The following CFAP54 variants were observed in gnomAD, a reference collection of about 807,000 sequenced individuals.
The protein encoded by CFAP54 is cilia- and flagella-associated protein 54.
A neutral mutation model predicts 370.4 loss-of-function variants in CFAP54; 290 were observed. The ratio of observed to expected loss-of-function variants is 0.78; its 90% CI spans 0.71 to 0.86. The LOEUF is 0.86. Ranked by LOEUF, CFAP54 falls within the 40% of genes least tolerant of loss-of-function variation. The pLI, the probability that CFAP54 is intolerant of heterozygous loss-of-function variation, is 0.00. For synonymous variants in CFAP54, 1,206 were observed against 1,236.5 expected, an observed-to-expected ratio of 0.98 and a Z score of 0.52; for missense variants, 3,399 against 3,528.7, an observed-to-expected ratio of 0.96 and a Z score of 0.93.
At chr12:96,717,875 TA>T (rs1464258507) in intron 48 of CFAP54, among the ~76,000 whole-genome samples, 1 of 152,184 alleles carries the variant, frequency 6.6e-6, no homozygotes, top group Non-Finnish European at 1.5e-5. Flanking sequence ...ACTAAATACC[TA>T]AAAAATTCTT....
intron 56 of CFAP54, 137 bp from the exon 57 acceptor site, chr12:96,756,321 A>G (rs1044866506): frequency 3.5e-6 from 2 of 576,678 alleles, no homozygotes; most frequent in Non-Finnish European, 6.0e-6. Context: ...TCATTGGCTT[A>G]CCTTCTGGAA....
intron 63 of CFAP54, among the ~76,000 whole-genome samples, chr12:96,810,381 CTCTTA>C (rs1411006908): frequency 6.6e-6 from 1 of 152,032 alleles, no homozygotes; most frequent in African/African-American, 2.4e-5. Context: ...AATACCTTTA[CTCTTA>C]TCTTAGTTTA....
At position 96,740,015 on chromosome 12, in the gene CFAP54, A is replaced by G. The variant is rs1958032415; in HGVS notation, c.7025A>G (p.Lys2342Arg). Reference sequence around the variant, plus strand: ...CAGGATTCAAAACTTTTTGAAAAGAAGGTAGTACAGGATGACACAGAGAAT... The same window carrying G: ...CAGGATTCAAAACTTTTTGAAAAGAGGGTAGTACAGGATGACACAGAGAAT... The part of the protein sequence containing the change: ...LLQDSKLFEK[K>R]VVQDDTENPV... The change falls in exon 51 of 68, where the codon AAG (lysine) becomes AGG (arginine). Residue 2342 changes from lysine (K) to arginine (R), a missense_variant. Physicochemically the swap from Lys to Arg is conservative, Grantham distance 26. Around this residue, in one of 3 missense-constraint regions of CFAP54, gnomAD observed 2,796 missense variants for 2,869.7 expected, o/e 0.97. Transcript: ENST00000524981. 1 of 1,607,800 alleles carries G rather than the reference A, an allele frequency of 6.2e-7. No homozygotes were observed. The highest frequency in any genetic ancestry group is 8.5e-7 in the Non-Finnish European group (1 of 1,175,846).
In CFAP54 at chr12:96,594,183, T is replaced by G. The variant is rs1956152433; in HGVS notation, c.3361-108T>G. ...TTTAGATTTTTTAAAATACAAACACTCATGTTGTTTTTAGCCAGAAGGATC... is the reference window on the plus strand; with the variant it reads ...TTTAGATTTTTTAAAATACAAACACGCATGTTGTTTTTAGCCAGAAGGATC... On this transcript the variant is annotated intron_variant, in intron 24 of 67. Transcript: ENST00000524981. The G allele has an allele frequency of 4.2e-6, 3 of 712,294 alleles. No individual in the cohort carries two copies. The South Asian group carries it at 1.1e-4, about 26-fold the overall frequency. 44.1% of individuals were successfully genotyped at this position (712,294 alleles called of 1,614,324 possible).
intron 44 of CFAP54, among the ~76,000 whole-genome samples, chr12:96,693,019 T>C (rs1957402692): frequency 6.6e-6 from 1 of 152,180 alleles, no homozygotes; most frequent in South Asian, 2.1e-4. Context: ...TTGGGCCATT[T>C]GAAATATTGA....
chr12:96,817,960 T>A (rs1284209934), intron 65 of CFAP54, 47 bp downstream of exon 65: 3 of 1,304,914 alleles, frequency 2.3e-6, no homozygotes, highest in Non-Finnish European at 3.0e-6. Context: ...GATTATCTTT[T>A]ATATCCTCAA....
chr12:96,672,536 A>G (rs2136536824), intron 39 of CFAP54, among the ~76,000 whole-genome samples: 1 of 152,324 alleles, frequency 6.6e-6, no homozygotes, highest in East Asian at 1.9e-4. Context: ...AGAGGGTCCA[A>G]TGAGTGAGAT....
At chr12:96,615,949 G>A (rs557311555) in intron 26 of CFAP54, among the ~76,000 whole-genome samples, 16 of 152,372 alleles carry the variant, frequency 1.1e-4, no homozygotes, top group Non-Finnish European at 4.4e-5. Flanking sequence ...GTGGAAGACA[G>A]TGTGGCGATT....
intron 66 of CFAP54, among the ~76,000 whole-genome samples, chr12:96,829,746 T>C (rs1032300040): frequency 6.6e-6 from 1 of 151,958 alleles, no homozygotes; most frequent in Non-Finnish European, 1.5e-5. Flanking sequence ...TTAACCATTT[T>C]AAGTGTACAG....
chr12:96,595,344 G>A (rs1018143141), intron 25 of CFAP54, among the ~76,000 whole-genome samples: 10 of 152,050 alleles, frequency 6.6e-5, no homozygotes, highest in African/African-American at 2.2e-4. Context: ...ATCATACAGG[G>A]CATGTACACC....
chr12:96,540,761 A>G (rs1955561114), intron 13 of CFAP54, 76 bp from the exon 14 acceptor site: 2 of 951,622 alleles, frequency 2.1e-6, no homozygotes, highest in Admixed American at 4.0e-5. Context: ...AAGGAAGTAT[A>G]AGTTTTGAAA....
At position 96,515,200 on chromosome 12, in the gene CFAP54, G is replaced by T. The variant is rs564793853; in HGVS notation, c.798+2156G>T. Among the ~76,000 whole-genome samples the T allele has an allele frequency of 1.4e-4, 22 of 151,886 alleles. No individual in the cohort carries two copies. The South Asian group carries it at 3.3e-3, about 23-fold the overall frequency. On this transcript the variant is annotated intron_variant, in intron 5 of 67. Transcript: ENST00000524981. ...TTTTTTGTATTTTTAGTAGAGATGG[G>T]GTTTCATCATATTGGCTAGGCTGGT...
In CFAP54 at chr12:96,505,388, C is replaced by A. The variant is rs546241139; in HGVS notation, c.567+1359C>A. On this transcript the variant is annotated intron_variant, in intron 3 of 67. Coordinates refer to ENST00000524981, the MANE Select transcript of CFAP54 (RefSeq NM_001306084.2). ...ATTAATTTCTAAAGTAGAAACCTGT[C>A]ATTTTGTTCCACTACCCATTGACTT... Among the ~76,000 whole-genome samples, 7 of 152,054 alleles carry A rather than the reference C, an allele frequency of 4.6e-5. No homozygotes were observed. In the South Asian group the frequency reaches 1.5e-3, roughly 32 times the overall value.
intron 21 of CFAP54, 43 bp from the exon 22 acceptor site, chr12:96,580,872 GTTATT>G (rs1161694830): frequency 6.9e-6 from 9 of 1,297,890 alleles, no homozygotes; most frequent in Non-Finnish European, 9.1e-6. Flanking sequence ...TAAAAGTCAT[GTTATT>G]TTAATTTTTC....
intron 67 of CFAP54, among the ~76,000 whole-genome samples, chr12:96,874,831 T>TTTTAGCCGGGA (rs1565770805): frequency 1.3e-5 from 2 of 151,284 alleles, no homozygotes; most frequent in African/African-American, 4.9e-5. Context: ...GGGTTTCACC[T>TTTTAGCCGGGA]TGGTCTCGAT....
chr12:96,754,589 C>T (rs575592196), intron 56 of CFAP54, among the ~76,000 whole-genome samples: 5 of 152,256 alleles, frequency 3.3e-5, no homozygotes, highest in African/African-American at 1.2e-4. Context: ...TTCCAAAAGT[C>T]AACAGCCACT....
In CFAP54 at chr12:96,623,921, G is replaced by GT; in HGVS notation, c.3886+46dup. The GT allele has an allele frequency of 3.0e-6, 4 of 1,312,972 alleles. No individual in the cohort carries two copies. The South Asian group carries it at 3.9e-5, about 13-fold the overall frequency. The allele number at this position is 1,312,972 out of a possible 1,614,324, so 81.3% of individuals were successfully genotyped here. On this transcript the variant is annotated intron_variant, in intron 28 of 67. Coordinates refer to ENST00000524981, the MANE Select transcript of CFAP54 (RefSeq NM_001306084.2). Reference sequence around the variant, plus strand: ...TCTGTATACTTCCATTTAGCATTAAGTTTTTTAAAACGAGAAACTATTTTG... The same window carrying GT: ...TCTGTATACTTCCATTTAGCATTAAGTTTTTTTAAAACGAGAAACTATTTTG...
At chr12:96,726,661 G>A in intron 50 of CFAP54, among the ~76,000 whole-genome samples, 1 of 151,604 alleles carries the variant, frequency 6.6e-6, no homozygotes, top group Non-Finnish European at 1.5e-5. Context: ...AGGGTTTTTT[G>A]TGTCTCTATT....
chr12:96,535,536 G>T lies in CFAP54; in HGVS notation c.1727G>T (p.Gly576Val). Residue 576 changes from glycine (G) to valine (V), a missense_variant, in exon 12 of 68, where the codon GGA becomes GTA. This residue lies in a region of CFAP54 where 2,796 missense variants were observed against 2,869.7 expected (regional missense o/e 0.97). Transcript: ENST00000524981. Reference protein sequence around the residue: ...AVHDTCLKTCGYSEDIFHLAA... With the variant: ...AVHDTCLKTCVYSEDIFHLAA... Reference sequence around the variant, plus strand: ...TTAGATACTTGTTTGAAGACTTGTGGATATTCAGAGGATATTTTCCATTTG... The same window carrying T: ...TTAGATACTTGTTTGAAGACTTGTGTATATTCAGAGGATATTTTCCATTTG... The T allele has an allele frequency of 6.5e-7, 1 of 1,535,348 alleles. No individual in the cohort carries two copies. Among genetic ancestry groups the T allele is most frequent in the Non-Finnish European group, 8.7e-7 (1 of 1,146,112 alleles).
Sources: gnomAD v4.1 joint callset for allele counts (sites outside exome capture counted in the v4.1 genomes callset) on GRCh38, gnomAD v4.1.1 for gene constraint, gnomAD v4.1.1 regional missense constraint, MANE v1.5 for transcripts, NCBI Gene and HGNC (gene_info 2026-07-23, HGNC 2026-07-21) for gene names.